The following SEC61A1 variants were observed in gnomAD, a reference collection of about 807,000 sequenced individuals.
The protein encoded by SEC61A1 is protein transport protein Sec61 subunit alpha isoform 1.
In SEC61A1, 15 loss-of-function variants were observed where a neutral mutation model predicts 55.2. The observed-to-expected ratio is 0.27, with a 90% CI of 0.18 to 0.42. The LOEUF (loss-of-function observed/expected upper bound fraction) is 0.42, where lower values mean the gene tolerates loss of function less well. Ranked by LOEUF, SEC61A1 falls within the 10% of genes least tolerant of loss-of-function variation. The pLI is 1.00. For synonymous variants in SEC61A1, 247 were observed against 234.0 expected (o/e 1.06, Z -0.51); for missense variants, 284 against 602.6 (o/e 0.47, Z 5.53).
chr3:128,069,095 T>C (rs1352109380), intron 11 of SEC61A1, among the ~76,000 whole-genome samples: 1 of 152,174 alleles, frequency 6.6e-6, no homozygotes, highest in Admixed American at 6.5e-5. Flanking sequence ...GAAGTCACAT[T>C]AAAAAAGTAA....
rs771522589 is a variant in SEC61A1, at chr3:128,067,536, A to G, written c.1091A>G (p.Tyr364Cys). The G allele has an allele frequency of 6.2e-7, 1 of 1,614,110 alleles. No homozygotes were observed. Among genetic ancestry groups the G allele is most frequent in the Admixed American group, 1.7e-5 (1 of 60,010 alleles). ...GAAGACCCGGTCCATGCAGTTGTATACATAGTGTTCATGCTGGGCTCCTGT... is the reference window on the plus strand; with the variant it reads ...GAAGACCCGGTCCATGCAGTTGTATGCATAGTGTTCATGCTGGGCTCCTGT... ...VLEDPVHAVV[Y>C]IVFMLGSCAF... Residue 364 changes from tyrosine (Y) to cysteine (C), a missense_variant, in exon 10 of 12, where the codon TAC (tyrosine) becomes TGC (cysteine). Physicochemically the swap from Tyr to Cys is radical, Grantham distance 194. Transcript: ENST00000243253. This position sits in a 1 kb window ranked among gnomAD's most constrained non-coding sequence, Gnocchi z 4.1.
intron 11 of SEC61A1, 50 bp downstream of exon 11, chr3:128,068,109 T>A: frequency 6.8e-7 from 1 of 1,470,320 alleles, no homozygotes; most frequent in Non-Finnish European, 9.5e-7. Context: ...ACATGTGTTG[T>A]TTCTTTCCAT....
chr3:128,057,096 G>A (rs1057460022), intron 5 of SEC61A1, among the ~76,000 whole-genome samples: 5 of 152,094 alleles, frequency 3.3e-5, no homozygotes, highest in African/African-American at 1.2e-4. Context: ...ACCACACCCA[G>A]CTAATTTTTG....
At chr3:128,061,853 A>G (rs141761037) in intron 7 of SEC61A1, among the ~76,000 whole-genome samples, 10 of 152,298 alleles carry the variant, frequency 6.6e-5, no homozygotes, top group African/African-American at 2.4e-4. Context: ...GGAAGGAAGT[A>G]AAGTCAGAGG....
At position 128,069,569 on chromosome 3, in the gene SEC61A1, G is replaced by A. The variant is rs764229882; in HGVS notation, c.1338G>A (p.Gly446=). Residue 446 remains glycine, a synonymous_variant, in exon 12 of 12, where the codon GGG becomes GGA. Coordinates refer to ENST00000243253, the MANE Select transcript of SEC61A1 (RefSeq NM_013336.4). ...TAGGCGCCATTGGGTCTGGAACCGG[G>A]ATCCTGCTCGCAGTCACAATCATCT... ...DFLGAIGSGT[G]ILLAVTIIYQ... is the part of the protein sequence containing the mutation. 8.1e-6 allele frequency: 13 copies of A among 1,614,110 alleles called. No homozygotes were observed. The South Asian group carries it at 1.4e-4, about 18-fold the overall frequency.
chr3:128,067,632 T>C lies in SEC61A1; in HGVS notation c.1167+20T>C, dbSNP rs1942022096. The C allele has an allele frequency of 6.3e-7, 1 of 1,585,656 alleles. No individual in the cohort carries two copies. Among genetic ancestry groups the C allele is most frequent in the Non-Finnish European group, 8.6e-7 (1 of 1,160,320 alleles). On this transcript the variant is annotated intron_variant, in intron 10 of 11. Coordinates refer to ENST00000243253, the MANE Select transcript of SEC61A1 (RefSeq NM_013336.4). This position sits in a 1 kb window ranked among gnomAD's most constrained non-coding sequence, Gnocchi z 4.1. ...AAAGATGTAAGTAGAAGCAAAACTTTCTGGAAGGGTGATGAAAGTGTGACT... is the reference window on the plus strand; with the variant it reads ...AAAGATGTAAGTAGAAGCAAAACTTCCTGGAAGGGTGATGAAAGTGTGACT...
At chr3:128,056,906 G>A in intron 5 of SEC61A1, 66 bp downstream of exon 5, 2 of 1,264,168 alleles carry the variant, frequency 1.6e-6, no homozygotes, top group East Asian at 2.8e-5. Context: ...TAAGATTTTG[G>A]TATCAGTTTT....
At chr3:128,061,767 A>G (rs966204324) in intron 7 of SEC61A1, among the ~76,000 whole-genome samples, 11 of 152,164 alleles carry the variant, frequency 7.2e-5, no homozygotes, top group Admixed American at 5.2e-4. Flanking sequence ...AAAAGGCAAG[A>G]GGGGGATGGC....
intron 8 of SEC61A1, 117 bp from the exon 9 acceptor site, chr3:128,066,837 C>A: frequency 1.1e-6 from 1 of 930,376 alleles, no homozygotes; most frequent in Non-Finnish European, 1.7e-6. Flanking sequence ...GCCCCAGAAC[C>A]AGCACACAGG....
intron 1 of SEC61A1, 27 bp from the exon 2 acceptor site, chr3:128,052,808 C>G: frequency 6.2e-7 from 1 of 1,603,990 alleles, no homozygotes; most frequent in Non-Finnish European, 8.5e-7. Flanking sequence ...TGTCCCAACT[C>G]TTCCTGTTTT....
chr3:128,059,526 T>C (rs1941824611), intron 5 of SEC61A1, among the ~76,000 whole-genome samples: 1 of 151,100 alleles, frequency 6.6e-6, no homozygotes, highest in Non-Finnish European at 1.5e-5. Flanking sequence ...CCTAAGGGAA[T>C]GGGAAGAGCA....
At chr3:128,051,999 C>T (rs1576417497), upstream of SEC61A1, 9 of 1,003,876 alleles carry the variant, frequency 9.0e-6, no homozygotes, top group African/African-American at 1.6e-5. Flanking sequence ...GGGATAAGGT[C>T]CCTGCTCCAG....
chr3:128,068,533 T>C (rs1304655405), intron 11 of SEC61A1: 1 of 161,744 alleles, frequency 6.2e-6, no homozygotes, highest in Non-Finnish European at 1.4e-5. Context: ...GGGGTTGATG[T>C]GCATCTGAAG....
At chr3:128,059,934 T>C (rs1941829362) in intron 5 of SEC61A1, among the ~76,000 whole-genome samples, 168 bp from the exon 6 acceptor site, 1 of 152,234 alleles carries the variant, frequency 6.6e-6, no homozygotes. Context: ...TCATGTACTT[T>C]GCTGATGTGA....
chr3:128,065,263 G>A, intron 8 of SEC61A1: 1 of 624,686 alleles, frequency 1.6e-6, no homozygotes, highest in Non-Finnish European at 2.9e-6. Flanking sequence ...TAACGTAAGT[G>A]AAATCATGTT....
At chr3:128,065,060 G>C in intron 8 of SEC61A1, 23 bp downstream of exon 8, 1 of 1,613,448 alleles carries the variant, frequency 6.2e-7, no homozygotes, top group East Asian at 2.2e-5. Context: ...CCAACCCCAG[G>C]GAGTTTCCAT....
At chr3:128,053,003 C>G in intron 2 of SEC61A1, 101 bp downstream of exon 2, 1 of 799,764 alleles carries the variant, frequency 1.3e-6, no homozygotes, top group Non-Finnish European at 2.1e-6. Flanking sequence ...GCAATGGAAA[C>G]TCTCCCTTCT....
Position 128,060,495 on chromosome 3 carries a change from T to G in SEC61A1, c.463-13T>G. The G allele has an allele frequency of 6.2e-7, 1 of 1,613,826 alleles. No homozygotes were observed. On this transcript the variant is annotated splice_polypyrimidine_tract_variant and intron_variant, in intron 6 of 11. Transcript: ENST00000243253. ...GCAGTAACACATAGTCTTGTATTTT[T>G]GAATTTTTACAGCTCTTTGTTGCTG... is the stretch of plus-strand genomic sequence containing the variant.
At chr3:128,054,759 G>T (rs1941747422) in intron 2 of SEC61A1, among the ~76,000 whole-genome samples, 1 of 152,212 alleles carries the variant, frequency 6.6e-6, no homozygotes, top group African/African-American at 2.4e-5. Context: ...TAGGCAGCAG[G>T]TATTAGTGAA....
Sources: allele counts gnomAD v4.1 joint callset (sites outside exome capture counted in the v4.1 genomes callset), GRCh38; gene constraint gnomAD v4.1.1; non-coding constraint Gnocchi (gnomAD v3.1); transcripts MANE v1.5; gene names NCBI Gene and HGNC (gene_info 2026-07-23, HGNC 2026-07-21).